The following APP variants were observed in gnomAD, a reference collection of about 807,000 sequenced individuals.
The protein encoded by APP is amyloid-beta precursor protein.
In APP, 31 loss-of-function variants were observed where a neutral mutation model predicts 101.4. That is an observed-to-expected ratio of 0.31 (90% CI 0.23 to 0.41). The LOEUF (loss-of-function observed/expected upper bound fraction) is 0.41, where lower values mean the gene tolerates loss of function less well. Among genes scored for constraint, APP ranks in the 10% least tolerant of loss-of-function variants. APP has a pLI of 1.00. For missense variants in APP, 839 were observed against 1,003.7 expected (o/e 0.84, Z 2.22); for synonymous variants, 366 against 364.4 (o/e 1.00, Z -0.05).
At chr21:26,077,444 C>T (rs2061518749) in intron 3 of APP, among the ~76,000 whole-genome samples, 1 of 152,272 alleles carries the variant, frequency 6.6e-6, no homozygotes, top group South Asian at 2.1e-4. Flanking sequence ...TCTTACAACG[C>T]TGTTATTTTG....
rs551729322 is a variant in APP at position 26,153,080 on chromosome 21, G to C, written c.57+17484C>G. On this transcript the variant is annotated intron_variant, in intron 1 of 17. Transcript: ENST00000346798. ...AAACCGTATGTTCTCTCTTATAAGTGGGAACTAAGTTAGGAATAAGCAAAG... is the reference window on the plus strand; with the variant it reads ...AAACCGTATGTTCTCTCTTATAAGTCGGAACTAAGTTAGGAATAAGCAAAG... Among the ~76,000 whole-genome samples, 4 of 152,264 alleles carry C rather than the reference G, an allele frequency of 2.6e-5. No individual in the cohort carries two copies. The South Asian group carries it at 8.3e-4, about 32-fold the overall frequency.
chr21:25,928,678 T>C (rs562404674), intron 13 of APP: 1 of 152,184 alleles, frequency 6.6e-6, no homozygotes, highest in Admixed American at 6.5e-5. Flanking sequence ...TTACATCATA[T>C]GCCCATTAAT....
At chr21:26,102,889 CAAAAAA>C (rs3084283) in intron 2 of APP, among the ~76,000 whole-genome samples, 1 of 63,090 alleles carries the variant, frequency 1.6e-5, no homozygotes, top group African/African-American at 5.9e-5. Context: ...GACTCTGTCT[CAAAAAA>C]AAAAAAAAAA....
intron 16 of APP, among the ~76,000 whole-genome samples, chr21:25,893,600 A>T (rs936111180): frequency 6.6e-6 from 1 of 152,248 alleles, no homozygotes; most frequent in Non-Finnish European, 1.5e-5. Flanking sequence ...GCCAAAGCCT[A>T]ATCAAGAACA....
At position 26,170,666 on chromosome 21, in the gene APP, T is replaced by C. The variant is rs1457987504; in HGVS notation, c.-46A>G. On this transcript the variant is annotated 5_prime_UTR_variant, in exon 1 of 18. Transcript: ENST00000346798. ...CGAGTGCGCTGCTGTGCGAGTGGGA[T>C]CCGCCGCGTCCTTGCTCTGCCCGCG... 1.3e-6 allele frequency: 2 copies of C among 1,510,968 alleles called. No homozygotes were observed. The highest frequency in any genetic ancestry group is 1.8e-6 in the Non-Finnish European group (2 of 1,135,068). 93.6% of individuals were successfully genotyped at this position (1,510,968 alleles called of 1,614,324 possible). A position where few individuals can be genotyped will look rare whatever the true frequency, so the allele number is the denominator to read the frequency against.
In APP at chr21:26,021,707, T is replaced by C. The variant is rs533984682; in HGVS notation, c.865+133A>G. 294 of 1,315,258 alleles carry C rather than the reference T, an allele frequency of 2.2e-4. 2 individuals carry two copies. In the South Asian group the frequency reaches 3.9e-3, roughly 17 times the overall value. The allele number at this position is 1,315,258 out of a possible 1,614,324, so 81.5% of individuals were successfully genotyped here. A position where few individuals can be genotyped will look rare whatever the true frequency, so the allele number is the denominator to read the frequency against. On this transcript the variant is annotated intron_variant, in intron 6 of 17. Transcript: ENST00000346798. ...TTAAACCAAAAAAATTTCACAAGCA[T>C]AAGAAGCCTTTTGGAAAAAAAAACA... is the stretch of plus-strand genomic sequence containing the variant.
chr21:26,032,815 T>A (rs201130763), intron 5 of APP, among the ~76,000 whole-genome samples: 5 of 150,110 alleles, frequency 3.3e-5, no homozygotes, highest in Non-Finnish European at 7.4e-5. Flanking sequence ...AATATATATA[T>A]ATATATAAAG....
At chr21:26,016,270 T>C (rs2044059087) in intron 6 of APP, among the ~76,000 whole-genome samples, 1 of 152,180 alleles carries the variant, frequency 6.6e-6, no homozygotes, top group Non-Finnish European at 1.5e-5. Flanking sequence ...TGACCTCAGG[T>C]GATCTGCTCA....
chr21:26,011,347 G>T (rs532770207), intron 6 of APP, among the ~76,000 whole-genome samples: 3 of 151,850 alleles, frequency 2.0e-5, no homozygotes, highest in African/African-American at 7.3e-5. Flanking sequence ...AAGTGCTGGG[G>T]TTACAAGTGT....
chr21:26,122,721 AT>A (rs1229555098), intron 1 of APP, among the ~76,000 whole-genome samples: 1 of 146,908 alleles, frequency 6.8e-6, no homozygotes, highest in Non-Finnish European at 1.5e-5. Context: ...TTTTAATAAA[AT>A]TTTTTATTAG....
chr21:26,012,040 C>T (rs1366120404), intron 6 of APP, among the ~76,000 whole-genome samples: 1 of 151,556 alleles, frequency 6.6e-6, no homozygotes, highest in Non-Finnish European at 1.5e-5. Flanking sequence ...CAGGGTCTCA[C>T]TGTCACCAAG....
At chr21:25,956,412 T>A (rs911039323) in intron 11 of APP, among the ~76,000 whole-genome samples, 2 of 152,242 alleles carry the variant, frequency 1.3e-5, no homozygotes, top group African/African-American at 4.8e-5. Flanking sequence ...TCTTTCTAAT[T>A]GGTTCCATTT....
At chr21:26,026,905 GGGACGCT>G (rs1181606467) in intron 5 of APP, among the ~76,000 whole-genome samples, 1 of 152,184 alleles carries the variant, frequency 6.6e-6, no homozygotes, top group Non-Finnish European at 1.5e-5. Context: ...CGCTCTAAGG[GGGACGCT>G]GATAATGGGA....
chr21:26,032,740 A>C (rs774198448), intron 5 of APP, among the ~76,000 whole-genome samples: 4 of 151,852 alleles, frequency 2.6e-5, no homozygotes, highest in South Asian at 2.1e-4. Context: ...AAAATGGTAT[A>C]AAAATATCAT....
chr21:26,003,596 G>C (rs183058767), intron 6 of APP, among the ~76,000 whole-genome samples: 2 of 152,226 alleles, frequency 1.3e-5, no homozygotes, highest in Admixed American at 6.5e-5. Flanking sequence ...GAAGATGTAC[G>C]TGAGGCTGGA....
chr21:25,981,504 T>TTGAA lies in APP; in HGVS notation c.1224+836_1224+839dup, dbSNP rs574243206. Reference sequence around the variant, plus strand: ...AAAATAATAAGTCCATATTTGTTGATTGAATGAATGAATGAATGAGGAATC... The same window carrying TTGAA: ...AAAATAATAAGTCCATATTTGTTGATTGAATGAATGAATGAATGAATGAGGAATC... On this transcript the variant is annotated intron_variant, in intron 9 of 17. Transcript: ENST00000346798. 4.6e-5 allele frequency among the ~76,000 whole-genome samples: 7 copies of TTGAA among 152,258 alleles called. No individual in the cohort carries two copies. The South Asian group carries it at 1.2e-3, about 27-fold the overall frequency.
intron 13 of APP, among the ~76,000 whole-genome samples, chr21:25,932,020 A>G (rs902714414): frequency 2.6e-5 from 4 of 152,230 alleles, no homozygotes; most frequent in Non-Finnish European, 2.9e-5. Flanking sequence ...GAACAGTTCC[A>G]CCCATGATAA....
chr21:26,071,470 A>T (rs1000008568), intron 3 of APP, among the ~76,000 whole-genome samples: 1 of 152,228 alleles, frequency 6.6e-6, no homozygotes, highest in Admixed American at 6.5e-5. Flanking sequence ...AAGGCAACAG[A>T]AAAGTGTCTG....
chr21:26,016,822 G>A (rs531339931), intron 6 of APP, among the ~76,000 whole-genome samples: 35 of 151,964 alleles, frequency 2.3e-4, no homozygotes, highest in African/African-American at 7.2e-4. Flanking sequence ...CGCCTGCCTC[G>A]GCCTCCCAAG....
Sources: gnomAD v4.1 joint callset for allele counts (sites outside exome capture counted in the v4.1 genomes callset) on GRCh38, gnomAD v4.1.1 for gene constraint, MANE v1.5 for transcripts, NCBI Gene and HGNC (gene_info 2026-07-23, HGNC 2026-07-21) for gene names.